The following PAK5 variants were observed in gnomAD, a reference collection of about 807,000 sequenced individuals.
The protein encoded by PAK5 is p21 (RAC1) activated kinase 5.
A neutral mutation model predicts 65.9 loss-of-function variants in PAK5; 16 were observed. The observed-to-expected ratio is 0.24, with a 90% CI of 0.16 to 0.37. The LOEUF is 0.37. PAK5 is among the 10% of genes least tolerant of loss of function. The pLI is 1.00. For missense variants in PAK5, 785 were observed against 903.9 expected, an observed-to-expected ratio of 0.87 and a Z score of 1.69; for synonymous variants, 371 against 354.9, an observed-to-expected ratio of 1.05 and a Z score of -0.51.
At chr20:9,667,244 T>C (rs1236921706) in intron 2 of PAK5, among the ~76,000 whole-genome samples, 9 of 152,114 alleles carry the variant, frequency 5.9e-5, no homozygotes, top group African/African-American at 2.2e-4. Context: ...ACCATTGCAC[T>C]CCAGCCTGGG....
At chr20:9,596,372 C>G (rs2046264220) in intron 3 of PAK5, among the ~76,000 whole-genome samples, 1 of 152,132 alleles carries the variant, frequency 6.6e-6, no homozygotes, top group Admixed American at 6.5e-5. Context: ...CACGGAGGCT[C>G]ACGCCTGTAA....
rs369169019 is a variant in PAK5 at position 9,665,695 on chromosome 20, T to G, written c.-11-21356A>C. 2.2e-3 allele frequency among the ~76,000 whole-genome samples: 338 copies of G among 151,842 alleles called. 2 individuals are homozygous for G. Among genetic ancestry groups the G allele is most frequent in the African/African-American group, 7.8e-3 (323 of 41,452 alleles). On this transcript the variant is annotated intron_variant, in intron 2 of 9. Transcript: ENST00000353224. The stretch of plus-strand genomic sequence containing the variant: ...TTTTTTGAGATGGGGTCTCGTTATG[T>G]TGTCCAAAAGCTGACCTTGAACTTC...
intron 1 of PAK5, among the ~76,000 whole-genome samples, chr20:9,773,462 C>G (rs1257924200): frequency 6.6e-6 from 1 of 151,730 alleles, no homozygotes; most frequent in East Asian, 1.9e-4. Context: ...TTGTTCAATT[C>G]TTAGACAGTG....
chr20:9,727,100 T>A (rs1400487552), intron 1 of PAK5, among the ~76,000 whole-genome samples: 1 of 152,198 alleles, frequency 6.6e-6, no homozygotes, highest in Admixed American at 6.5e-5. Context: ...GTATACTTCA[T>A]TTAACCTACT....
chr20:9,560,208 A>G (rs2045571314), intron 6 of PAK5, among the ~76,000 whole-genome samples: 2 of 152,206 alleles, frequency 1.3e-5, no homozygotes, highest in Admixed American at 6.5e-5. Flanking sequence ...TGAAATTAGC[A>G]TGGCCAGCTG....
At chr20:9,756,736 C>T (rs73600260) in intron 1 of PAK5, among the ~76,000 whole-genome samples, 24,737 of 152,114 alleles carry the variant, frequency 0.16, 2,298 homozygotes, top group East Asian at 0.28. Flanking sequence ...ATGTATATAG[C>T]TCATGTTAGT....
At chr20:9,674,736 G>A (rs2047546014) in intron 2 of PAK5, among the ~76,000 whole-genome samples, 1 of 152,202 alleles carries the variant, frequency 6.6e-6, no homozygotes, top group South Asian at 2.1e-4. Flanking sequence ...AGCTGAACAG[G>A]CTGTGACCTG....
intron 1 of PAK5, among the ~76,000 whole-genome samples, chr20:9,712,450 TA>T (rs1674123761): frequency 6.6e-6 from 1 of 152,086 alleles, no homozygotes; most frequent in South Asian, 2.1e-4. Context: ...GCTGTCCTAT[TA>T]AAAAGACAAA....
chr20:9,611,168 C>A (rs1325884946), intron 3 of PAK5, among the ~76,000 whole-genome samples: 1 of 152,232 alleles, frequency 6.6e-6, no homozygotes, highest in Non-Finnish European at 1.5e-5. Context: ...CTATTGGAAT[C>A]CCTTTGCCTG....
At chr20:9,704,384 G>T (rs2047979536) in intron 2 of PAK5, among the ~76,000 whole-genome samples, 2 of 152,138 alleles carry the variant, frequency 1.3e-5, no homozygotes, top group Admixed American at 6.6e-5. Context: ...AATTATCAGT[G>T]CTCTAATAGC....
chr20:9,707,985 A>G (rs1353128496), intron 2 of PAK5, among the ~76,000 whole-genome samples: 1 of 152,214 alleles, frequency 6.6e-6, no homozygotes, highest in Admixed American at 6.5e-5. Context: ...TTATACAGCA[A>G]CAAGTGATAC....
At chr20:9,764,197 C>A (rs995838414) in intron 1 of PAK5, among the ~76,000 whole-genome samples, 1 of 152,082 alleles carries the variant, frequency 6.6e-6, no homozygotes, top group African/African-American at 2.4e-5. Flanking sequence ...TGTTGGCTTC[C>A]ATGACATTGA....
intron 2 of PAK5, among the ~76,000 whole-genome samples, chr20:9,705,153 T>C (rs1326597545): frequency 3.3e-5 from 5 of 151,950 alleles, no homozygotes; most frequent in Admixed American, 2.0e-4. Flanking sequence ...CAGTCCAAAA[T>C]GCCATCACTG....
intron 3 of PAK5, among the ~76,000 whole-genome samples, chr20:9,614,094 T>C (rs764648302): frequency 6.6e-6 from 1 of 152,146 alleles, no homozygotes; most frequent in Non-Finnish European, 1.5e-5. Context: ...AGGGCTCTAA[T>C]GGATAAAGTG....
In PAK5 at chr20:9,538,780, C is replaced by A; in HGVS notation, c.*682G>T. ...CACACCATCACCATCACTCTTAATT[C>A]TTCTTCCACCAAATAAGACACTTGT... On this transcript the variant is annotated 3_prime_UTR_variant, in exon 10 of 10. Transcript: ENST00000353224. 1 of 233,158 alleles carries A rather than the reference C, an allele frequency of 4.3e-6. No homozygotes were observed. The highest frequency in any genetic ancestry group is 1.3e-3 in the Middle Eastern group (1 of 782). The allele number at this position is 233,158 out of a possible 1,614,324, so 14.4% of individuals were successfully genotyped here. A position where few individuals can be genotyped will look rare whatever the true frequency, so the allele number is the denominator to read the frequency against.
chr20:9,741,783 C>A (rs928184909), intron 1 of PAK5, among the ~76,000 whole-genome samples: 5 of 151,904 alleles, frequency 3.3e-5, no homozygotes, highest in Admixed American at 2.6e-4. Context: ...TAGTTAAGAC[C>A]TGGGGATCTC....
At chr20:9,827,499 C>A (rs1004489335) in intron 1 of PAK5, among the ~76,000 whole-genome samples, 10 of 151,766 alleles carry the variant, frequency 6.6e-5, no homozygotes, top group African/African-American at 2.4e-4. Flanking sequence ...GGTGAAGAAA[C>A]AAGATGCCTG....
At chr20:9,732,108 G>A (rs763746946) in intron 1 of PAK5, among the ~76,000 whole-genome samples, 2 of 152,074 alleles carry the variant, frequency 1.3e-5, no homozygotes, top group African/African-American at 2.4e-5. Flanking sequence ...CAGAGGTCAG[G>A]TGGCATGTCA....
intron 3 of PAK5, among the ~76,000 whole-genome samples, chr20:9,610,763 T>G (rs1220014063): frequency 6.6e-6 from 1 of 152,180 alleles, no homozygotes; most frequent in African/African-American, 2.4e-5. Flanking sequence ...GTCATTTGAA[T>G]GTATGTGTCC....
Sources: gnomAD v4.1 joint callset for allele counts (sites outside exome capture counted in the v4.1 genomes callset) on GRCh38, gnomAD v4.1.1 for gene constraint, MANE v1.5 for transcripts, NCBI Gene and HGNC (gene_info 2026-07-23, HGNC 2026-07-21) for gene names.